Variants in CCDC83 observed in about 807,000 individuals in gnomAD.
CCDC83 encodes the protein coiled-coil domain containing 83, also known as coiled-coil domain-containing protein 83.
Under a neutral mutation model 50.1 loss-of-function variants are expected in CCDC83, and 54 were observed. That is an observed-to-expected ratio of 1.08 (90% CI 0.87 to 1.35). CCDC83 has a LOEUF of 1.35. Among genes scored for constraint, CCDC83 ranks in the 40% most tolerant of loss-of-function variants. The probability of loss-of-function intolerance (pLI) is 0.00; values close to 1 mark genes in which losing one functional copy is unlikely to be tolerated. For synonymous variants in CCDC83, 161 were observed against 153.3 expected, an observed-to-expected ratio of 1.05 and a Z score of -0.37; for missense variants, 518 against 473.9, an observed-to-expected ratio of 1.09 and a Z score of -0.86.
intron 2 of CCDC83, among the ~76,000 whole-genome samples, chr11:85,870,065 C>G (rs761650530): frequency 9.2e-5 from 14 of 152,196 alleles, no homozygotes; most frequent in Non-Finnish European, 2.1e-4. Context: ...GCCATTTGCT[C>G]CTAAATGCTC....
chr11:85,899,952 C>A (rs983692866), intron 7 of CCDC83, among the ~76,000 whole-genome samples: 1 of 152,004 alleles, frequency 6.6e-6, no homozygotes, highest in African/African-American at 2.4e-5. Flanking sequence ...AGAACTCATC[C>A]ACAAAGAGAA....
In CCDC83 at chr11:85,882,614, T is replaced by C; in HGVS notation, c.282T>C (p.Asp94=). The change falls in exon 4 of 11, where the codon GAT becomes GAC. Residue 94 remains aspartate, a synonymous_variant. Transcript: ENST00000342404. ...GATTGCCAGTTGTAACAAGAGAGGA[T>C]GTTGAAGAAGCGATGAAGGAAAAAT... The part of the protein sequence containing the change: ...AEGLPVVTRE[D]VEEAMKEKWK... 1 of 1,613,886 alleles carries C rather than the reference T, an allele frequency of 6.2e-7. No homozygotes were observed.
intron 7 of CCDC83, among the ~76,000 whole-genome samples, chr11:85,910,966 G>A (rs2093450787): frequency 6.6e-6 from 1 of 152,114 alleles, no homozygotes; most frequent in Non-Finnish European, 1.5e-5. Context: ...GAGGTCAGGA[G>A]TTTGACACCA....
At chr11:85,855,175 C>A (rs2093132018), upstream of CCDC83, 2 of 152,346 alleles carry the variant, frequency 1.3e-5, 1 homozygote, top group South Asian at 4.1e-4. Context: ...TGCGAGCTGT[C>A]CGCCCAGGGC....
chr11:85,886,140 T>C (rs923071616), intron 4 of CCDC83, 60 bp from the exon 5 acceptor site: 4 of 1,326,034 alleles, frequency 3.0e-6, no homozygotes, highest in Admixed American at 2.8e-5. Flanking sequence ...TAAAACCAGA[T>C]TGCAACATAT....
In CCDC83 at chr11:85,899,035, A is replaced by G; in HGVS notation, c.672+20A>G. The G allele has an allele frequency of 3.8e-6, 6 of 1,562,154 alleles. No homozygotes were observed. Among genetic ancestry groups the G allele is most frequent in the Non-Finnish European group, 5.3e-6 (6 of 1,137,352 alleles). ...AAAGAGGTAAGTGGAATTTATCAAA[A>G]CAAACAATTTCTTCGTTCTCATTTT... is the stretch of plus-strand genomic sequence containing the variant. On this transcript the variant is annotated intron_variant, in intron 7 of 10. Coordinates refer to ENST00000342404, the MANE Select transcript of CCDC83 (RefSeq NM_001286159.2).
intron 2 of CCDC83, among the ~76,000 whole-genome samples, chr11:85,865,745 G>A (rs921269722): frequency 3.3e-5 from 5 of 151,928 alleles, no homozygotes; most frequent in African/African-American, 7.3e-5. Flanking sequence ...AAAATTAGTC[G>A]GGCATGGTGG....
rs146932939 is a variant in CCDC83, at chr11:85,911,303, T to C, written c.695T>C (p.Val232Ala). The C allele has an allele frequency of 2.5e-4, 406 of 1,610,580 alleles. 2 individuals carry two copies. In the African/African-American group the frequency reaches 4.1e-3, roughly 16 times the overall value. Residue 232 changes from valine to alanine, a missense_variant, in exon 8 of 11, where the codon GTT becomes GCT. By Grantham distance (64) the Val-to-Ala change is moderately conservative (BLOSUM62 0). Coordinates refer to ENST00000342404, the MANE Select transcript of CCDC83 (RefSeq NM_001286159.2). ...KKEVAIHRKE[V>A]EELKNAIHEL... ...CAGGTTGCAATTCACAGGAAGGAAG[T>C]TGAAGAATTAAAAAATGCTATTCAT...
intron 3 of CCDC83, among the ~76,000 whole-genome samples, chr11:85,877,113 T>G (rs78681528): frequency 0.14 from 21,044 of 152,132 alleles, 1,778 homozygotes; most frequent in Middle Eastern, 0.2. Flanking sequence ...AAAATTCATA[T>G]GGGGTTTGGG....
intron 5 of CCDC83, among the ~76,000 whole-genome samples, chr11:85,888,690 T>C (rs1380337404): frequency 1.3e-5 from 2 of 152,176 alleles, no homozygotes; most frequent in Non-Finnish European, 2.9e-5. Flanking sequence ...TATTCTAAAA[T>C]TTTTATGGTT....
intron 7 of CCDC83, among the ~76,000 whole-genome samples, chr11:85,909,413 T>C (rs892818168): frequency 1.3e-5 from 2 of 152,146 alleles, no homozygotes; most frequent in African/African-American, 4.8e-5. Context: ...AGCCTACCTC[T>C]TTCTATTTTA....
intron 2 of CCDC83, among the ~76,000 whole-genome samples, chr11:85,867,714 T>C (rs1357245744): frequency 6.6e-6 from 1 of 152,212 alleles, no homozygotes; most frequent in Non-Finnish European, 1.5e-5. Flanking sequence ...TTAACAGCTG[T>C]TTTTCTCTCT....
rs961537804 is a variant in CCDC83 at position 85,902,688 on chromosome 11, A to C, written c.672+3673A>C. 2.0e-5 allele frequency among the ~76,000 whole-genome samples: 3 copies of C among 152,080 alleles called. No homozygotes were observed. In the East Asian group the frequency reaches 5.8e-4, roughly 29 times the overall value. On this transcript the variant is annotated intron_variant, in intron 7 of 10. Coordinates refer to ENST00000342404, the MANE Select transcript of CCDC83 (RefSeq NM_001286159.2). Reference sequence around the variant, plus strand: ...CCATTATCCAGTCACCCAAGCCAGAAACTTGGGAGTTAAGTCACCCCTGTG... The same window carrying C: ...CCATTATCCAGTCACCCAAGCCAGACACTTGGGAGTTAAGTCACCCCTGTG...
intron 5 of CCDC83, among the ~76,000 whole-genome samples, chr11:85,887,149 A>G (rs2093330990): frequency 6.6e-6 from 1 of 152,198 alleles, no homozygotes; most frequent in Non-Finnish European, 1.5e-5. Flanking sequence ...TGAGATGAGA[A>G]GTGGAGAGGC....
At chr11:85,915,638 T>C (rs12274978) in intron 9 of CCDC83, 140 bp downstream of exon 9, 16,458 of 617,976 alleles carry the variant, frequency 0.027, 1,297 homozygotes, top group African/African-American at 0.21. Context: ...TCTCTAAATT[T>C]CTCCTCTTGC....
chr11:85,904,559 T>C (rs7106577), intron 7 of CCDC83, among the ~76,000 whole-genome samples: 39,007 of 152,082 alleles, frequency 0.26, 5,621 homozygotes, highest in African/African-American at 0.35. Context: ...TACATGCAGT[T>C]CTTGTTAATG....
At position 85,919,519 on chromosome 11, in the gene CCDC83, G is replaced by C. The variant is rs958820773; in HGVS notation, c.*9G>C. 2.5e-6 allele frequency: 4 copies of C among 1,596,360 alleles called. No homozygotes were observed. The highest frequency in any genetic ancestry group is 2.6e-6 in the Non-Finnish European group (3 of 1,171,398). ...TGAAGTCTTTTCTCTAAGACGGAAA[G>C]CTGCAAAGGAAACACAACTTTTCCT... is the stretch of plus-strand genomic sequence containing the variant. On this transcript the variant is annotated 3_prime_UTR_variant, in exon 11 of 11. Transcript: ENST00000342404.
At chr11:85,912,667 C>T (rs1398776457) in intron 8 of CCDC83, 2 of 1,607,746 alleles carry the variant, frequency 1.2e-6, no homozygotes, top group East Asian at 4.5e-5. Context: ...TGCTACATTC[C>T]TGTCCCACCT....
At chr11:85,856,185 A>C (rs2093139502) in intron 1 of CCDC83, among the ~76,000 whole-genome samples, 2 of 68,132 alleles carry the variant, frequency 2.9e-5, no homozygotes, top group South Asian at 4.0e-4. Flanking sequence ...TATCTAAGCC[A>C]AAAAAAAAAA....
Sources: gnomAD v4.1 joint callset for allele counts (sites outside exome capture counted in the v4.1 genomes callset) on GRCh38, gnomAD v4.1.1 for gene constraint, MANE v1.5 for transcripts, NCBI Gene and HGNC (gene_info 2026-07-23, HGNC 2026-07-21) for gene names.